Variants in CAPN11 observed in about 807,000 individuals in gnomAD.
The protein encoded by CAPN11 is calpain-11.
A neutral mutation model predicts 105.3 loss-of-function variants in CAPN11; 108 were observed. The ratio of observed to expected loss-of-function variants is 1.03; its 90% CI spans 0.88 to 1.20. The LOEUF is 1.20. Among genes scored for constraint, CAPN11 ranks in the 50% most tolerant of loss-of-function variants. The probability of loss-of-function intolerance (pLI) is 0.00; values close to 1 mark genes in which losing one functional copy is unlikely to be tolerated. For missense variants in CAPN11, 883 were observed against 924.8 expected (o/e 0.95, Z 0.59); for synonymous variants, 329 against 344.5 (o/e 0.96, Z 0.50).
chr6:44,165,985 G>A (rs1314681325), intron 1 of CAPN11, among the ~76,000 whole-genome samples: 1 of 152,120 alleles, frequency 6.6e-6, no homozygotes, highest in African/African-American at 2.4e-5. Context: ...AGTGATGGTA[G>A]CAATGAGAAA....
chr6:44,176,777 G>C (rs971963405), intron 10 of CAPN11, 61 bp from the exon 11 acceptor site: 1 of 1,598,964 alleles, frequency 6.3e-7, no homozygotes, highest in Non-Finnish European at 8.5e-7. Flanking sequence ...GGGTGGTTCA[G>C]GGAGAGGGAA....
intron 19 of CAPN11, among the ~76,000 whole-genome samples, chr6:44,181,546 C>CAT (rs777723710): frequency 2.6e-4 from 18 of 68,594 alleles, no homozygotes; most frequent in Non-Finnish European, 3.4e-4. Context: ...CTCACACACA[C>CAT]ACACACTCAC....
rs755710206 is a variant in CAPN11, at chr6:44,177,412, C to T, written c.1408C>T (p.Leu470Phe). ...CCAGCTGCAGACCATTGGCTTTGTC[C>T]TCTACGCGGTGGGTGCCTGGCTGGT... ...GAQLQTIGFVLYAVPKEFQNI... is the reference protein window; with the variant it reads ...GAQLQTIGFVFYAVPKEFQNI... Residue 470 changes from leucine to phenylalanine, a missense_variant, in exon 12 of 23, where the codon CTC (leucine) becomes TTC (phenylalanine). Physicochemically the swap from Leu to Phe is conservative, Grantham distance 22 (BLOSUM62 0). Transcript: ENST00000398776. 1 of 1,611,722 alleles carries T rather than the reference C, an allele frequency of 6.2e-7. No homozygotes were observed. Among genetic ancestry groups the T allele is most frequent in the African/African-American group, 1.3e-5 (1 of 74,998 alleles).
Position 44,177,239 on chromosome 6 carries a change from C to T in CAPN11, c.1238-3C>T, listed in dbSNP as rs1461085237. On this transcript the variant is annotated splice_region_variant and splice_polypyrimidine_tract_variant and intron_variant, in intron 11 of 22. Coordinates refer to ENST00000398776, the MANE Select transcript of CAPN11 (RefSeq NM_007058.4). ...TAACCACGCTGACCCACTTCCGCCA[C>T]AGGCACGTTCTGGACCAACCCCCAG... 9 of 1,575,286 alleles carry T rather than the reference C, an allele frequency of 5.7e-6. No individual in the cohort carries two copies. The highest frequency in any genetic ancestry group is 6.9e-6 in the Non-Finnish European group (8 of 1,160,146).
chr6:44,170,236 A>G (rs1206855107), intron 4 of CAPN11, among the ~76,000 whole-genome samples: 1 of 152,140 alleles, frequency 6.6e-6, no homozygotes, highest in Non-Finnish European at 1.5e-5. Context: ...TACATAATAA[A>G]TTACCTAGGA....
rs201872878 is a variant in CAPN11 at position 44,176,125 on chromosome 6, G to A, written c.889G>A (p.Ala297Thr). 2.3e-3 allele frequency: 3,719 copies of A among 1,612,888 alleles called. 7 individuals are homozygous for A. Among genetic ancestry groups the A allele is most frequent in the Non-Finnish European group, 2.8e-3 (3,284 of 1,179,346 alleles). ...TGACAAGATGCTGGTGAGAGGGCAC[G>A]CTTACTCTGTGACTGGCCTTCAGGA... ...MTDKMLVRGH[A>T]YSVTGLQDVH... Residue 297 changes from alanine (A) to threonine (T), a missense_variant, in exon 8 of 23, where the codon GCT (alanine) becomes ACT (threonine). Physicochemically the swap from Ala to Thr is moderately conservative, Grantham distance 58. Transcript: ENST00000398776.
intron 19 of CAPN11, among the ~76,000 whole-genome samples, chr6:44,181,947 CCA>C (rs1582890851): frequency 8.1e-6 from 1 of 123,190 alleles, no homozygotes; most frequent in East Asian, 2.2e-4. Flanking sequence ...CACAACCACA[CCA>C]CACTCACACA....
chr6:44,175,797 T>C (rs7455011), intron 7 of CAPN11, among the ~76,000 whole-genome samples: 10 of 151,492 alleles, frequency 6.6e-5, no homozygotes, highest in Non-Finnish European at 7.4e-5. Flanking sequence ...ATAATAATAA[T>C]AATTTTTAAA....
chr6:44,183,280 C>T lies in CAPN11; in HGVS notation c.2134+45C>T, dbSNP rs368364907. On this transcript the variant is annotated intron_variant, in intron 21 of 22. Coordinates refer to ENST00000398776, the MANE Select transcript of CAPN11 (RefSeq NM_007058.4). ...ACTCCCCAGCCTAGGCCAGGGGCCGCGGGCCCTTTCCCAAACACCCACCCT... is the reference window on the plus strand; with the variant it reads ...ACTCCCCAGCCTAGGCCAGGGGCCGTGGGCCCTTTCCCAAACACCCACCCT... 210 of 1,288,314 alleles carry T rather than the reference C, an allele frequency of 1.6e-4. No individual in the cohort carries two copies. In the African/African-American group the frequency reaches 2.6e-3, roughly 16 times the overall value. 79.8% of individuals were successfully genotyped at this position (1,288,314 alleles called of 1,614,324 possible).
At position 44,182,070 on chromosome 6, in the gene CAPN11, C is replaced by CCA. The variant is rs746430151; in HGVS notation, c.1938+765_1938+766dup. On this transcript the variant is annotated intron_variant, in intron 19 of 22. Transcript: ENST00000398776. ...ACACACACATACAGACACAACCACA[C>CCA]CACACACACACACACATACACACTC... is the stretch of plus-strand genomic sequence containing the variant. Among the ~76,000 whole-genome samples, 2 of 12,342 alleles carry CCA rather than the reference C, an allele frequency of 1.6e-4. 1 individual carries two copies. The highest frequency in any genetic ancestry group is 3.0e-4 in the Non-Finnish European group (2 of 6,714). 8.1% of individuals were successfully genotyped at this position (12,342 alleles called of 152,430 possible).
chr6:44,167,027 T>C (rs1386038772), intron 2 of CAPN11, among the ~76,000 whole-genome samples, 198 bp downstream of exon 2: 1 of 152,018 alleles, frequency 6.6e-6, no homozygotes, highest in African/African-American at 2.4e-5. Flanking sequence ...GTGGGCAGGA[T>C]GTCCAGAGTC....
chr6:44,161,197 TTTTG>T (rs1189270011), intron 1 of CAPN11, among the ~76,000 whole-genome samples: 1 of 151,616 alleles, frequency 6.6e-6, no homozygotes, highest in African/African-American at 2.4e-5. Context: ...TTTTTGGTGT[TTTTG>T]TTTGTTTGTT....
At position 44,177,243 on chromosome 6, in the gene CAPN11, C is replaced by T. The variant is rs1210906809; in HGVS notation, c.1239C>T (p.Gly413=). 2 of 1,579,042 alleles carry T rather than the reference C, an allele frequency of 1.3e-6. No homozygotes were observed. The highest frequency in any genetic ancestry group is 3.7e-5 in the Admixed American group (2 of 53,358). The change falls in exon 12 of 23, where the codon GGC becomes GGT. Residue 413 remains glycine (G), a splice_region_variant and synonymous_variant. Coordinates refer to ENST00000398776, the MANE Select transcript of CAPN11 (RefSeq NM_007058.4). The part of the protein sequence containing the change: ...SSAGGCRNHP[G]TFWTNPQFKI... ...CACGCTGACCCACTTCCGCCACAGG[C>T]ACGTTCTGGACCAACCCCCAGTTTA...
At chr6:44,181,507 CACTCACATACA>C (rs1561854083) in intron 19 of CAPN11, among the ~76,000 whole-genome samples, 187 bp downstream of exon 19, 8 of 139,078 alleles carry the variant, frequency 5.8e-5, no homozygotes, top group East Asian at 2.2e-4. Context: ...CACACACACA[CACTCACATACA>C]GACACAACCA....
intron 2 of CAPN11, chr6:44,168,825 T>G (rs1770458934): frequency 3.0e-6 from 1 of 333,244 alleles, no homozygotes; most frequent in African/African-American, 2.2e-5. Context: ...TTCGCCATGT[T>G]GGGCAGGCTG....
intron 5 of CAPN11, among the ~76,000 whole-genome samples, 154 bp downstream of exon 5, chr6:44,172,574 T>A (rs190904283): frequency 1.3e-5 from 2 of 152,138 alleles, no homozygotes; most frequent in Non-Finnish European, 2.9e-5. Context: ...ACCAAAGAAA[T>A]CATGTAAGCT....
At position 44,177,264 on chromosome 6, in the gene CAPN11, G is replaced by A. The variant is rs1331718980; in HGVS notation, c.1260G>A (p.Gln420=). ...CAGGCACGTTCTGGACCAACCCCCAGTTTAAGATCTCTCTTCCTGAGGGGG... is the reference window on the plus strand; with the variant it reads ...CAGGCACGTTCTGGACCAACCCCCAATTTAAGATCTCTCTTCCTGAGGGGG... The part of the protein sequence containing the change: ...NHPGTFWTNP[Q]FKISLPEGDD... The change falls in exon 12 of 23, where the codon CAG becomes CAA. Residue 420 remains glutamine (Q), a synonymous_variant. Coordinates refer to ENST00000398776, the MANE Select transcript of CAPN11 (RefSeq NM_007058.4). 2.5e-6 allele frequency: 4 copies of A among 1,599,868 alleles called. No homozygotes were observed. Among genetic ancestry groups the A allele is most frequent in the Non-Finnish European group, 3.4e-6 (4 of 1,173,216 alleles).
rs1464828627 is a variant in CAPN11, at chr6:44,166,759, G to C, written c.18G>C (p.Gly6=). The part of the protein sequence containing the change: MLYSP[G]PSLPESAESL... ...TCCTCCCACTCTTTCTTATTCTAGG[G>C]CCGAGTCTTCCGGAGTCAGCAGAGA... is the stretch of plus-strand genomic sequence containing the variant. The change falls in exon 2 of 23, where the codon GGG becomes GGC. Residue 6 remains glycine (G), a splice_region_variant and synonymous_variant. Transcript: ENST00000398776. 1 of 1,551,476 alleles carries C rather than the reference G, an allele frequency of 6.4e-7. No homozygotes were observed.
At chr6:44,183,468 C>T (rs752025978) in intron 21 of CAPN11, among the ~76,000 whole-genome samples, 10 of 152,170 alleles carry the variant, frequency 6.6e-5, no homozygotes, top group Non-Finnish European at 1.5e-4. Flanking sequence ...TAGTACTGCC[C>T]TCAAAGGACT....
Sources: allele counts gnomAD v4.1 joint callset (sites outside exome capture counted in the v4.1 genomes callset), GRCh38; gene constraint gnomAD v4.1.1; transcripts MANE v1.5; gene names NCBI Gene and HGNC (gene_info 2026-07-23, HGNC 2026-07-21).